Variants in CAP2 observed in about 807,000 individuals in gnomAD.
CAP2 encodes the protein adenylyl cyclase-associated protein 2.
Under a neutral mutation model 57.7 loss-of-function variants are expected in CAP2, and 24 were observed. The observed-to-expected ratio is 0.42, with a 90% CI of 0.30 to 0.58. The LOEUF (loss-of-function observed/expected upper bound fraction) is 0.58, where lower values mean the gene tolerates loss of function less well. CAP2 is among the 20% of genes least tolerant of loss of function. The pLI is 0.22. For missense variants in CAP2, 501 were observed against 590.3 expected (o/e 0.85, Z 1.57); for synonymous variants, 194 against 207.2 (o/e 0.94, Z 0.55).
intron 4 of CAP2, among the ~76,000 whole-genome samples, chr6:17,498,981 G>C (rs1761734325): frequency 6.6e-6 from 1 of 151,538 alleles, no homozygotes; most frequent in Admixed American, 6.6e-5. Context: ...CGCCCTCCTC[G>C]GCCTCCCAAA....
intron 7 of CAP2, among the ~76,000 whole-genome samples, chr6:17,522,716 A>T (rs956177143): frequency 6.6e-6 from 1 of 152,226 alleles, no homozygotes; most frequent in African/African-American, 2.4e-5. Context: ...TTGGGGCCAG[A>T]TGGTGAAATC....
chr6:17,502,627 A>T (rs970103967), intron 4 of CAP2, among the ~76,000 whole-genome samples: 4 of 152,010 alleles, frequency 2.6e-5, no homozygotes, highest in Non-Finnish European at 4.4e-5. Context: ...CTTCCAGAAG[A>T]CTCTGTCTCC....
At chr6:17,402,512 C>T (rs1189317625) in intron 1 of CAP2, among the ~76,000 whole-genome samples, 1 of 152,046 alleles carries the variant, frequency 6.6e-6, no homozygotes, top group Non-Finnish European at 1.5e-5. Flanking sequence ...AAATAGTAAA[C>T]CGATATTAAA....
chr6:17,411,154 C>T (rs763420927), intron 1 of CAP2, among the ~76,000 whole-genome samples: 7 of 152,128 alleles, frequency 4.6e-5, no homozygotes, highest in Non-Finnish European at 7.3e-5. Context: ...CTGAATAATA[C>T]TCCATTATAA....
chr6:17,447,177 A>G (rs80335010), intron 3 of CAP2, among the ~76,000 whole-genome samples: 1 of 28,528 alleles, frequency 3.5e-5, no homozygotes, highest in African/African-American at 2.4e-4. Context: ...CAGCTAATTA[A>G]AAAAAAAAAA....
At position 17,421,576 on chromosome 6, in the gene CAP2, G is replaced by T. The variant is rs1759447868; in HGVS notation, c.21G>T (p.Leu7=). The change falls in exon 2 of 13, where the codon CTG becomes CTT. Residue 7 remains leucine, a synonymous_variant. Transcript: ENST00000229922. ...CTAGAATGGCCAACATGCAGGGACT[G>T]GTGGAAAGACTGGAACGAGCTGTCA... MANMQG[L]VERLERAVSR... 2 of 1,614,192 alleles carry T rather than the reference G, an allele frequency of 1.2e-6. No individual in the cohort carries two copies. Among genetic ancestry groups the T allele is most frequent in the East Asian group, 4.5e-5 (2 of 44,886 alleles).
chr6:17,542,860 C>T lies in CAP2; in HGVS notation c.1026C>T (p.Asp342=). ...AGGAGTACCAAGAGGACAGGAATGA[C>T]CTTGTGATTTCAGAGACTGAGCTGA... ...WRVEYQEDRN[D]LVISETELKQ... is the part of the protein sequence containing the mutation. The change falls in exon 10 of 13, where the codon GAC becomes GAT. Residue 342 remains aspartate, a synonymous_variant. Coordinates refer to ENST00000229922, the MANE Select transcript of CAP2 (RefSeq NM_006366.3). The T allele has an allele frequency of 6.2e-7, 1 of 1,612,014 alleles. No homozygotes were observed. The highest frequency in any genetic ancestry group is 8.5e-7 in the Non-Finnish European group (1 of 1,178,322).
chr6:17,455,992 A>T (rs1210083665), intron 3 of CAP2, among the ~76,000 whole-genome samples: 1 of 152,160 alleles, frequency 6.6e-6, no homozygotes, highest in Non-Finnish European at 1.5e-5. Context: ...TTTGTAGTGG[A>T]TGGCCTCTGA....
chr6:17,556,480 T>A lies in CAP2; in HGVS notation c.*38T>A, dbSNP rs756692609. On this transcript the variant is annotated 3_prime_UTR_variant, in exon 13 of 13. Transcript: ENST00000229922. ...CCGAACCCCCTCACCTGAATCCCCC[T>A]CTATCAAACAAACAAAAAAGCAGCA... 1.4e-6 allele frequency: 2 copies of A among 1,400,686 alleles called. No homozygotes were observed. The highest frequency in any genetic ancestry group is 2.3e-5 in the South Asian group (2 of 86,898). 86.8% of individuals were successfully genotyped at this position (1,400,686 alleles called of 1,614,324 possible).
chr6:17,550,375 G>A (rs2113710423), intron 11 of CAP2, among the ~76,000 whole-genome samples: 1 of 142,618 alleles, frequency 7.0e-6, no homozygotes, highest in East Asian at 2.2e-4. Flanking sequence ...ATGTGTACCT[G>A]ACCTTGAACT....
chr6:17,475,558 G>A lies in CAP2; in HGVS notation c.300+12485G>A, dbSNP rs907440860. Reference sequence around the variant, plus strand: ...AATGGTTCATTTCTAGATGTGTGGCGCTAACGATGAGAAATGACGGCAACC... The same window carrying A: ...AATGGTTCATTTCTAGATGTGTGGCACTAACGATGAGAAATGACGGCAACC... On this transcript the variant is annotated intron_variant, in intron 4 of 12. Transcript: ENST00000229922. Among the ~76,000 whole-genome samples the A allele has an allele frequency of 3.3e-5, 5 of 152,160 alleles. No individual in the cohort carries two copies. In the East Asian group the frequency reaches 5.8e-4, roughly 18 times the overall value.
chr6:17,473,570 T>C lies in CAP2; in HGVS notation c.300+10497T>C, dbSNP rs3777697. Reference sequence around the variant, plus strand: ...TTGACCTTTTATTTGGATTTGCTACTTGTTAATTGTTTCAGCAGCCTTAAC... The same window carrying C: ...TTGACCTTTTATTTGGATTTGCTACCTGTTAATTGTTTCAGCAGCCTTAAC... On this transcript the variant is annotated intron_variant, in intron 4 of 12. Transcript: ENST00000229922. 6.4e-3 allele frequency among the ~76,000 whole-genome samples: 974 copies of C among 152,348 alleles called. 8 individuals are homozygous for C. Among genetic ancestry groups the C allele is most frequent in the East Asian group, 0.026 (137 of 5,186 alleles).
chr6:17,459,242 G>A (rs1037403294), intron 3 of CAP2, among the ~76,000 whole-genome samples: 1 of 152,204 alleles, frequency 6.6e-6, no homozygotes, highest in African/African-American at 2.4e-5. Context: ...CAAATTCCCA[G>A]AAGAATGAGC....
At chr6:17,444,081 TAAA>T (rs1760175424) in intron 3 of CAP2, among the ~76,000 whole-genome samples, 1 of 152,226 alleles carries the variant, frequency 6.6e-6, no homozygotes, top group African/African-American at 2.4e-5. Context: ...CATATACAGG[TAAA>T]GTAGCATGAT....
At chr6:17,439,803 A>G (rs1327441207) in intron 3 of CAP2, among the ~76,000 whole-genome samples, 1 of 151,452 alleles carries the variant, frequency 6.6e-6, no homozygotes, top group Non-Finnish European at 1.5e-5. Context: ...GAGTGGCTAT[A>G]AATATAGACG....
chr6:17,505,034 T>C lies in CAP2; in HGVS notation c.301-2135T>C, dbSNP rs75566274. On this transcript the variant is annotated intron_variant, in intron 4 of 12. Transcript: ENST00000229922. ...GGGACAACATCCTTTTTACCTCTGGTATGAGTTAACTGCATCATGGAAATA... is the reference window on the plus strand; with the variant it reads ...GGGACAACATCCTTTTTACCTCTGGCATGAGTTAACTGCATCATGGAAATA... 4.9e-3 allele frequency among the ~76,000 whole-genome samples: 750 copies of C among 152,336 alleles called. 7 individuals are homozygous for C. Among genetic ancestry groups the C allele is most frequent in the African/African-American group, 0.017 (696 of 41,570 alleles).
At chr6:17,441,555 C>T (rs1760074055) in intron 3 of CAP2, among the ~76,000 whole-genome samples, 2 of 151,542 alleles carry the variant, frequency 1.3e-5, no homozygotes, top group African/African-American at 4.9e-5. Flanking sequence ...AAGATCAAGG[C>T]TCACTGCAGC....
At chr6:17,435,717 T>TA (rs1187314233) in intron 3 of CAP2, among the ~76,000 whole-genome samples, 154 of 77,810 alleles carry the variant, frequency 2.0e-3, no homozygotes, top group South Asian at 0.011. Context: ...AGTTTACGGA[T>TA]AAAAAAAAAA....
At chr6:17,451,217 G>A (rs1324229950) in intron 3 of CAP2, among the ~76,000 whole-genome samples, 2 of 124,634 alleles carry the variant, frequency 1.6e-5, no homozygotes, top group Admixed American at 1.6e-4. Context: ...TTAGAGGAAA[G>A]GAAATCTTCT....
Sources: gnomAD v4.1 joint callset for allele counts (sites outside exome capture counted in the v4.1 genomes callset) on GRCh38, gnomAD v4.1.1 for gene constraint, MANE v1.5 for transcripts, NCBI Gene and HGNC (gene_info 2026-07-23, HGNC 2026-07-21) for gene names.